RAD50: variants seen among roughly 807,000 people sequenced by gnomAD.
RAD50 encodes RAD50 double strand break repair protein.
RAD50 carries 132 observed loss-of-function variants against 168.8 expected under a neutral mutation model. The observed-to-expected ratio is 0.78, with a 90% confidence interval of 0.68 to 0.90. The LOEUF is 0.90. RAD50 is among the 40% of genes least tolerant of loss of function. The probability of loss-of-function intolerance (pLI) is 0.00; values close to 1 mark genes in which losing one functional copy is unlikely to be tolerated. For missense variants in RAD50, 1,347 were observed against 1,534.4 expected, an observed-to-expected ratio of 0.88 and a Z score of 2.04; for synonymous variants, 525 against 497.4, an observed-to-expected ratio of 1.06 and a Z score of -0.74.
chr5:132,625,995 G>A (rs528343157), intron 21 of RAD50, among the ~76,000 whole-genome samples: 2 of 150,978 alleles, frequency 1.3e-5, no homozygotes, highest in Non-Finnish European at 2.9e-5. Context: ...CTCAGCCTCC[G>A]AGTAGCTGGA....
chr5:132,573,060 T>C (rs561185666), intron 2 of RAD50, among the ~76,000 whole-genome samples: 1 of 152,348 alleles, frequency 6.6e-6, no homozygotes, highest in African/African-American at 2.4e-5. Flanking sequence ...GTGGACCATG[T>C]GGTAATAATA....
chr5:132,610,250 A>T (rs1316508684), intron 19 of RAD50, among the ~76,000 whole-genome samples: 1 of 152,136 alleles, frequency 6.6e-6, no homozygotes. Context: ...AACATCTTTA[A>T]CATGTATCTG....
intron 1 of RAD50, among the ~76,000 whole-genome samples, chr5:132,557,999 CGACT>C (rs1269974008): frequency 6.7e-6 from 1 of 149,876 alleles, no homozygotes; most frequent in Non-Finnish European, 1.5e-5. Context: ...CGTTGGTGCA[CGACT>C]GACTTTTTTT....
intron 11 of RAD50, among the ~76,000 whole-genome samples, chr5:132,592,442 A>T (rs922874822): frequency 6.6e-6 from 1 of 152,166 alleles, no homozygotes; most frequent in Non-Finnish European, 1.5e-5. Flanking sequence ...GTGGATGCCT[A>T]ATGATTTCCC....
At position 132,644,814 on chromosome 5, in the gene RAD50, A is replaced by G. The variant is rs937891515; in HGVS notation, c.*2450A>G. ...GAGGTGGAGTCTTGCTCTGTCACCC[A>G]GGCTGGAGTGCAATGGCACCATCTC... is the stretch of plus-strand genomic sequence containing the variant. On this transcript the variant is annotated 3_prime_UTR_variant, in exon 25 of 25. Coordinates refer to ENST00000378823, the MANE Select transcript of RAD50 (RefSeq NM_005732.4). 6.5e-6 allele frequency: 1 copy of G among 154,900 alleles called. No individual in the cohort carries two copies. Among genetic ancestry groups the G allele is most frequent in the Admixed American group, 6.5e-5 (1 of 15,348 alleles). The allele number at this position is 154,900 out of a possible 1,614,324, so 9.6% of individuals were successfully genotyped here.
Position 132,591,378 on chromosome 5 carries a change from C to A in RAD50, c.1607C>A (p.Thr536Asn), listed in dbSNP as rs1554098423. The A allele has an allele frequency of 6.2e-7, 1 of 1,613,780 alleles. No homozygotes were observed. Among genetic ancestry groups the A allele is most frequent in the Non-Finnish European group, 8.5e-7 (1 of 1,179,848 alleles). ...TTAAACCATCATACAACAACACGTA[C>A]CCAAATGGAGATGCTGACCAAAGAC... ...EQLNHHTTTRTQMEMLTKDKA... is the reference protein window; with the variant it reads ...EQLNHHTTTRNQMEMLTKDKA... Residue 536 changes from threonine (T) to asparagine (N), a missense_variant, in exon 10 of 25, where the codon ACC becomes AAC. Physicochemically the swap from Thr to Asn is moderately conservative, Grantham distance 65 (BLOSUM62 0). Coordinates refer to ENST00000378823, the MANE Select transcript of RAD50 (RefSeq NM_005732.4).
intron 19 of RAD50, among the ~76,000 whole-genome samples, chr5:132,614,233 T>G (rs1751136370): frequency 6.6e-6 from 1 of 152,204 alleles, no homozygotes. Flanking sequence ...TTCATGCAAT[T>G]GTGAAAACAA....
At chr5:132,576,988 A>C (rs928155346) in intron 3 of RAD50, among the ~76,000 whole-genome samples, 3 of 152,254 alleles carry the variant, frequency 2.0e-5, no homozygotes, top group African/African-American at 7.2e-5. Context: ...TTAGTCTTCT[A>C]TGACTGCTAT....
At chr5:132,608,328 G>A (rs999782397) in intron 16 of RAD50, among the ~76,000 whole-genome samples, 2 of 152,178 alleles carry the variant, frequency 1.3e-5, no homozygotes, top group Admixed American at 6.5e-5. Flanking sequence ...TATAGCATGC[G>A]TAGTGGTTAA....
rs539196989 is a variant in RAD50, at chr5:132,565,995, C to T, written c.213+6628C>T. The stretch of plus-strand genomic sequence containing the variant: ...CCTTAACCTTCAGCTGGCATGAACA[C>T]GCACCTTCTTCTGCCCCACCTAATG... On this transcript the variant is annotated intron_variant, in intron 2 of 24. Coordinates refer to ENST00000378823, the MANE Select transcript of RAD50 (RefSeq NM_005732.4). 8.8e-4 allele frequency among the ~76,000 whole-genome samples: 134 copies of T among 152,306 alleles called. 2 individuals carry two copies. The highest frequency in any genetic ancestry group is 3.9e-3 in the South Asian group (19 of 4,828).
At chr5:132,564,538 C>T (rs1022572683) in intron 2 of RAD50, among the ~76,000 whole-genome samples, 1 of 152,022 alleles carries the variant, frequency 6.6e-6, no homozygotes, top group Non-Finnish European at 1.5e-5. Context: ...TATGTGCAAG[C>T]AAAGAGATCT....
At chr5:132,616,182 T>C in intron 20 of RAD50, 52 bp downstream of exon 20, 7 of 1,560,880 alleles carry the variant, frequency 4.5e-6, no homozygotes, top group Non-Finnish European at 6.2e-6. Context: ...ATTACTGGAA[T>C]GTGAAGAATA....
Position 132,642,191 on chromosome 5 carries a change from C to T in RAD50, c.3766C>T (p.Arg1256Cys), listed in dbSNP as rs561655417. ...ATATTGTTGCAGGATAATAAAAAGT[C>T]GCTCACAGCAGCGTAACTTCCAGCT... ...AHALVEIIKS[R>C]SQQRNFQLLV... The change falls in exon 25 of 25, where the codon CGC becomes TGC. Residue 1256 changes from arginine to cysteine, a missense_variant. By Grantham distance (180) the Arg-to-Cys change is radical. Around this residue, in one of 3 missense-constraint regions of RAD50, gnomAD observed 635 missense variants for 739.2 expected, o/e 0.86. Coordinates refer to ENST00000378823, the MANE Select transcript of RAD50 (RefSeq NM_005732.4). The T allele has an allele frequency of 5.6e-6, 9 of 1,613,678 alleles. No homozygotes were observed. Among genetic ancestry groups the T allele is most frequent in the African/African-American group, 1.3e-5 (1 of 74,912 alleles).
chr5:132,608,827 GAT>G, intron 17 of RAD50, 102 bp downstream of exon 17: 2 of 1,449,454 alleles, frequency 1.4e-6, no homozygotes, highest in South Asian at 2.9e-5. Context: ...AATAGCATAA[GAT>G]AAATAGTATT....
At position 132,612,154 on chromosome 5, in the gene RAD50, T is replaced by C. The variant is rs114422161; in HGVS notation, c.3036+2758T>C. On this transcript the variant is annotated intron_variant, in intron 19 of 24. Transcript: ENST00000378823. ...TGATGATCAGATAAACAAAATGTGG[T>C]ATACCCATACAATGGAATATTATTC... 6.4e-3 allele frequency among the ~76,000 whole-genome samples: 975 copies of C among 152,310 alleles called. 5 individuals are homozygous for C. Among genetic ancestry groups the C allele is most frequent in the African/African-American group, 0.022 (932 of 41,546 alleles).
At chr5:132,568,828 T>G (rs1750253838) in intron 2 of RAD50, among the ~76,000 whole-genome samples, 1 of 152,212 alleles carries the variant, frequency 6.6e-6, no homozygotes. Context: ...CTATAGTAAT[T>G]GTTAAAGAAA....
In RAD50 at chr5:132,595,037, A is replaced by G. The variant is rs780282757; in HGVS notation, c.1962A>G (p.Lys654=). 3 of 1,612,036 alleles carry G rather than the reference A, an allele frequency of 1.9e-6. No individual in the cohort carries two copies. The highest frequency in any genetic ancestry group is 1.7e-6 in the Non-Finnish European group (2 of 1,178,318). The part of the protein sequence containing the change: ...RLKEEIEKSS[K]QRAMLAGATA... ...AAGAGGAAATTGAAAAATCATCAAA[A>G]CAGCGAGGTAAGTTGTCTACTTTAT... The change falls in exon 12 of 25, where the codon AAA becomes AAG. Residue 654 remains lysine, a synonymous_variant. Transcript: ENST00000378823.
intron 19 of RAD50, among the ~76,000 whole-genome samples, chr5:132,614,260 G>C (rs1751136923): frequency 2.0e-5 from 3 of 152,154 alleles, no homozygotes; most frequent in Admixed American, 2.0e-4. Context: ...ATGTTCTGGG[G>C]TATTAGATGA....
chr5:132,619,974 G>C (rs1751259110), intron 21 of RAD50, among the ~76,000 whole-genome samples: 1 of 148,746 alleles, frequency 6.7e-6, no homozygotes, highest in East Asian at 2.0e-4. Context: ...GCGCCATCTC[G>C]GCTCACTGCA....
Sources: gnomAD v4.1 joint callset for allele counts (sites outside exome capture counted in the v4.1 genomes callset) on GRCh38, gnomAD v4.1.1 for gene constraint, gnomAD v4.1.1 regional missense constraint, MANE v1.5 for transcripts, NCBI Gene and HGNC (gene_info 2026-07-23, HGNC 2026-07-21) for gene names.